ALDOA: variants seen among roughly 807,000 people sequenced by gnomAD.
The protein encoded by ALDOA is aldolase, fructose-bisphosphate A, also known as fructose-bisphosphate aldolase A.
A neutral mutation model predicts 43.9 loss-of-function variants in ALDOA; 26 were observed. The ratio of observed to expected loss-of-function variants is 0.59; its 90% CI spans 0.43 to 0.82. ALDOA has a LOEUF of 0.82. Among genes scored for constraint, ALDOA ranks in the 40% least tolerant of loss-of-function variants. The pLI is 0.00. For synonymous variants in ALDOA, 258 were observed against 222.6 expected (o/e 1.16, Z -1.42); for missense variants, 498 against 549.5 (o/e 0.91, Z 0.94).
rs1335822067 is a variant in ALDOA, at chr16:30,067,673, G to A, written c.486+12G>A. The A allele has an allele frequency of 4.3e-6, 7 of 1,613,986 alleles. No homozygotes were observed. The East Asian group carries it at 1.3e-4, about 31-fold the overall frequency. On this transcript the variant is annotated intron_variant, in intron 4 of 9. Coordinates refer to ENST00000642816, the MANE Select transcript of ALDOA (RefSeq NM_001243177.4). ...TTGTGGGCATCAAGGTAAGGGGAGG[G>A]CCTCCGGACGTGAGGTTTGAGATGG...
chr16:30,065,478 G>A (rs1397672424), upstream of ALDOA, among the ~76,000 whole-genome samples: 1 of 152,196 alleles, frequency 6.6e-6, no homozygotes, highest in Non-Finnish European at 1.5e-5. Flanking sequence ...CATTCTGGCT[G>A]AGTCACGGCG....
In ALDOA at chr16:30,070,224, C is replaced by A. The variant is rs11135; in HGVS notation, c.*12C>A. The stretch of plus-strand genomic sequence containing the variant: ...ACCACGCCTATTAAGCGGAGGTGTT[C>A]CCAGGCTGCCCCCAACACTCCAGGC... On this transcript the variant is annotated 3_prime_UTR_variant, in exon 10 of 10. Coordinates refer to ENST00000642816, the MANE Select transcript of ALDOA (RefSeq NM_001243177.4). The A allele has an allele frequency of 1.9e-6, 3 of 1,613,638 alleles. No individual in the cohort carries two copies. The highest frequency in any genetic ancestry group is 2.5e-6 in the Non-Finnish European group (3 of 1,179,654).
Position 30,070,100 on chromosome 16 carries a change from C to G in ALDOA, c.1162-17C>G. ...TCGGAGAAGAGCCCTTCTCACTCCA[C>G]CCCTCTCCCTGCTTAGGCCAACAGC... On this transcript the variant is annotated splice_polypyrimidine_tract_variant and intron_variant, in intron 9 of 9. Coordinates refer to ENST00000642816, the MANE Select transcript of ALDOA (RefSeq NM_001243177.4). 1 of 1,613,896 alleles carries G rather than the reference C, an allele frequency of 6.2e-7. No homozygotes were observed. Among genetic ancestry groups the G allele is most frequent in the Admixed American group, 1.7e-5 (1 of 60,024 alleles).
rs772036398 is a variant in ALDOA, at chr16:30,066,924, C to T, written c.27C>T (p.Ser9=). ...TGGCAAGGCGCAAGCCAGAAGGGTC[C>T]AGCTTCAACATGACCCACCTGTCCA... MARRKPEG[S]SFNMTHLSMA... Residue 9 remains serine, a synonymous_variant, in exon 2 of 10, where the codon TCC becomes TCT. Coordinates refer to ENST00000642816, the MANE Select transcript of ALDOA (RefSeq NM_001243177.4). The T allele has an allele frequency of 2.6e-6, 4 of 1,550,780 alleles. 1 individual carries two copies. The South Asian group carries it at 4.8e-5, about 18-fold the overall frequency.
At position 30,069,398 on chromosome 16, in the gene ALDOA, C is replaced by G; in HGVS notation, c.786+9C>G. 1 of 1,614,154 alleles carries G rather than the reference C, an allele frequency of 6.2e-7. No homozygotes were observed. Among genetic ancestry groups the G allele is most frequent in the East Asian group, 2.2e-5 (1 of 44,888 alleles). Reference sequence around the variant, plus strand: ...AGTATGTGACCGAGAAGGTAAATGGCTACCTGCCTGACCAGTGCAAGGTGG... The same window carrying G: ...AGTATGTGACCGAGAAGGTAAATGGGTACCTGCCTGACCAGTGCAAGGTGG... On this transcript the variant is annotated intron_variant, in intron 7 of 9. Coordinates refer to ENST00000642816, the MANE Select transcript of ALDOA (RefSeq NM_001243177.4).
At chr16:30,069,783 C>T in intron 8 of ALDOA, 47 bp from the exon 9 acceptor site, 6 of 1,613,198 alleles carry the variant, frequency 3.7e-6, no homozygotes, top group Non-Finnish European at 5.1e-6. Flanking sequence ...CTGCCAGCTT[C>T]CTGGGTCTCT....
upstream of ALDOA, chr16:30,064,473 G>T (rs2072035409): frequency 2.5e-6 from 1 of 398,720 alleles, no homozygotes. Context: ...CCTCCGTCTG[G>T]ATTTCCAAGG....
chr16:30,069,017 A>C, intron 6 of ALDOA, 39 bp downstream of exon 6: 1 of 1,613,568 alleles, frequency 6.2e-7, no homozygotes, highest in Non-Finnish European at 8.5e-7. Context: ...CTCCTACCTC[A>C]TTTGGTTCCA....
rs771553440 is a variant in ALDOA at position 30,067,283 on chromosome 16, C to T, written c.191C>T (p.Pro64Leu). The change falls in exon 3 of 10, where the codon CCG (proline) becomes CTG (leucine). Residue 64 changes from proline (P) to leucine (L), a missense_variant. Transcript: ENST00000642816. ...CCCTACCAATATCCAGCACTGACCC[C>T]GGAGCAGAAGAAGGAGCTGTCTGAC... ...TMPYQYPALT[P>L]EQKKELSDIA... 48 of 1,612,610 alleles carry T rather than the reference C, an allele frequency of 3.0e-5. No individual in the cohort carries two copies. The highest frequency in any genetic ancestry group is 1.8e-4 in the South Asian group (16 of 91,012).
chr16:30,069,297 G>T lies in ALDOA; in HGVS notation c.703-9G>T. ...AGGCCTCACAGTGACCCTGTCCCTC[G>T]CCCTGCAGAATGGCATTGTGCCCAT... On this transcript the variant is annotated splice_polypyrimidine_tract_variant and intron_variant, in intron 6 of 9. Coordinates refer to ENST00000642816, the MANE Select transcript of ALDOA (RefSeq NM_001243177.4). The T allele has an allele frequency of 6.2e-7, 1 of 1,614,074 alleles. No homozygotes were observed. Among genetic ancestry groups the T allele is most frequent in the Non-Finnish European group, 8.5e-7 (1 of 1,179,990 alleles).
chr16:30,070,151 C>A lies in ALDOA; in HGVS notation c.1196C>A (p.Pro399Gln). The part of the protein sequence containing the change: ...NSLACQGKYT[P>Q]SGQAGAAASE... ...CTTGCCTGTCAAGGAAAGTACACTC[C>A]GAGCGGTCAGGCTGGGGCTGCTGCC... is the stretch of plus-strand genomic sequence containing the variant. The change falls in exon 10 of 10, where the codon CCG becomes CAG. Residue 399 changes from proline to glutamine, a missense_variant. By Grantham distance (76) the Pro-to-Gln change is moderately conservative. Coordinates refer to ENST00000642816, the MANE Select transcript of ALDOA (RefSeq NM_001243177.4). 1 of 1,614,100 alleles carries A rather than the reference C, an allele frequency of 6.2e-7. No homozygotes were observed. Among genetic ancestry groups the A allele is most frequent in the South Asian group, 1.1e-5 (1 of 91,076 alleles).
Position 30,067,432 on chromosome 16 carries a change from C to A in ALDOA, c.275-18C>A. ...GGAGTGGCAGGCTGATCCCCTAATTCCCATGTGACACTCCCAGGGAGCATT... is the reference window on the plus strand; with the variant it reads ...GGAGTGGCAGGCTGATCCCCTAATTACCATGTGACACTCCCAGGGAGCATT... On this transcript the variant is annotated intron_variant, in intron 3 of 9. Transcript: ENST00000642816. 5 of 1,613,488 alleles carry A rather than the reference C, an allele frequency of 3.1e-6. No homozygotes were observed. The highest frequency in any genetic ancestry group is 4.2e-6 in the Non-Finnish European group (5 of 1,179,936).
upstream of ALDOA, chr16:30,064,603 G>C: frequency 5.0e-6 from 2 of 397,836 alleles, no homozygotes; most frequent in Non-Finnish European, 4.4e-6. Flanking sequence ...AATGTCAGGG[G>C]CTTCAGGTTT....
chr16:30,066,774 TG>T (rs1308622053), intron 1 of ALDOA, 110 bp from the exon 2 acceptor site: 1 of 1,271,962 alleles, frequency 7.9e-7, no homozygotes, highest in African/African-American at 1.5e-5. Flanking sequence ...CTGTGTGGCT[TG>T]AAGCACAGAC....
chr16:30,068,736 A>G (rs779241416), intron 5 of ALDOA, 36 bp downstream of exon 5: 1 of 1,614,176 alleles, frequency 6.2e-7, no homozygotes, highest in Admixed American at 1.7e-5. Context: ...TACGAACCCA[A>G]CCAGAGCAGG....
At chr16:30,067,174 A>T in intron 2 of ALDOA, 60 bp from the exon 3 acceptor site, 1 of 1,608,890 alleles carries the variant, frequency 6.2e-7, no homozygotes, top group Non-Finnish European at 8.5e-7. Flanking sequence ...GGCCCTGGTC[A>T]TCGGGAGATG....
chr16:30,068,503 TGAGGC>T, intron 4 of ALDOA, 138 bp from the exon 5 acceptor site: 1 of 897,796 alleles, frequency 1.1e-6, no homozygotes, highest in African/African-American at 2.0e-5. Flanking sequence ...CCTAGGAGGC[TGAGGC>T]GGGAGGATCA....
intron 1 of ALDOA, 65 bp from the exon 2 acceptor site, chr16:30,066,820 T>G: frequency 1.3e-6 from 2 of 1,493,380 alleles, no homozygotes; most frequent in Non-Finnish European, 1.8e-6. Context: ...CACGAGGGTG[T>G]TGGGCCCTCT....
intron 8 of ALDOA, 58 bp downstream of exon 8, chr16:30,069,731 A>G (rs1270593989): frequency 3.1e-6 from 5 of 1,611,022 alleles, no homozygotes; most frequent in Non-Finnish European, 3.4e-6. Flanking sequence ...CCACAACCCT[A>G]TGCCCATTTG....
Sources: allele counts gnomAD v4.1 joint callset (sites outside exome capture counted in the v4.1 genomes callset), GRCh38; gene constraint gnomAD v4.1.1; transcripts MANE v1.5; gene names NCBI Gene and HGNC (gene_info 2026-07-23, HGNC 2026-07-21).